MTARC1: variants seen among roughly 807,000 people sequenced by gnomAD.
MTARC1 encodes the protein mitochondrial amidoxime-reducing component 1.
Under a neutral mutation model 33.6 loss-of-function variants are expected in MTARC1, and 24 were observed. The observed-to-expected ratio is 0.72, with a 90% confidence interval of 0.52 to 1.01. The LOEUF (loss-of-function observed/expected upper bound fraction) is 1.01. Among genes scored for constraint, MTARC1 ranks in the 50% least tolerant of loss-of-function variants. The probability of loss-of-function intolerance (pLI) is 0.00; values close to 1 mark genes in which losing one functional copy is unlikely to be tolerated. For synonymous variants in MTARC1, 187 were observed against 189.5 expected (o/e 0.99, Z 0.11); for missense variants, 417 against 445.7 (o/e 0.94, Z 0.58).
intron 2 of MTARC1, among the ~76,000 whole-genome samples, chr1:220,792,648 C>T (rs1413612653): frequency 7.4e-6 from 1 of 135,548 alleles, no homozygotes; most frequent in African/African-American, 2.8e-5. Context: ...TTGGGAAATA[C>T]CAAGAAAAAA....
chr1:220,798,279 C>G (rs1036839554), intron 4 of MTARC1: 1 of 1,359,530 alleles, frequency 7.4e-7, no homozygotes. Context: ...TTGACAGGTT[C>G]GTTGTTGAGT....
chr1:220,801,176 T>G (rs1423834993), intron 4 of MTARC1, among the ~76,000 whole-genome samples: 1 of 152,092 alleles, frequency 6.6e-6, no homozygotes, highest in Non-Finnish European at 1.5e-5. Flanking sequence ...TCCCAGCCCC[T>G]TCTCCTCTCA....
chr1:220,799,053 T>A, intron 4 of MTARC1: 1 of 985,424 alleles, frequency 1.0e-6, no homozygotes. Flanking sequence ...TTACCTTGCC[T>A]GAACAATGAG....
intron 6 of MTARC1, among the ~76,000 whole-genome samples, chr1:220,810,394 A>G (rs1466610050): frequency 6.6e-6 from 1 of 152,120 alleles, no homozygotes; most frequent in Non-Finnish European, 1.5e-5. Context: ...GAGGTGGTGC[A>G]GGAGGCGGTG....
chr1:220,810,720 T>G (rs1206789577), intron 6 of MTARC1, among the ~76,000 whole-genome samples: 1 of 152,018 alleles, frequency 6.6e-6, no homozygotes, highest in Non-Finnish European at 1.5e-5. Context: ...TGGCTAGAAA[T>G]TGGTGTAGGT....
chr1:220,801,415 C>G (rs576418824), intron 4 of MTARC1, among the ~76,000 whole-genome samples: 11 of 152,296 alleles, frequency 7.2e-5, no homozygotes, highest in African/African-American at 1.9e-4. Flanking sequence ...GTCTGTTTCC[C>G]CTATGCAAGC....
intron 2 of MTARC1, among the ~76,000 whole-genome samples, chr1:220,792,800 T>C (rs1488984499): frequency 6.6e-6 from 1 of 152,188 alleles, no homozygotes; most frequent in Non-Finnish European, 1.5e-5. Flanking sequence ...TAAATTGATA[T>C]GTTGAGTATT....
At chr1:220,798,940 A>G (rs963664684) in intron 4 of MTARC1, 5 of 985,402 alleles carry the variant, frequency 5.1e-6, no homozygotes, top group Non-Finnish European at 6.0e-6. Flanking sequence ...AAGAGAAATA[A>G]TCTAAGAATT....
intron 2 of MTARC1, among the ~76,000 whole-genome samples, chr1:220,792,175 A>G (rs774172648): frequency 1.4e-4 from 22 of 152,242 alleles, no homozygotes; most frequent in Admixed American, 3.3e-4. Context: ...AACTCTAGCT[A>G]GAAGAGTGAT....
chr1:220,798,608 G>A (rs1672693585), intron 4 of MTARC1: 1 of 979,988 alleles, frequency 1.0e-6, no homozygotes, highest in Non-Finnish European at 1.2e-6. Flanking sequence ...GTAATAAATG[G>A]CCTTTGGCTA....
At chr1:220,798,068 A>G (rs1216899550) in intron 4 of MTARC1, 54 bp downstream of exon 4, 4 of 1,613,720 alleles carry the variant, frequency 2.5e-6, no homozygotes, top group Non-Finnish European at 3.4e-6. Context: ...TTTTTAAGGT[A>G]TGAGAGTCTT....
Position 220,815,483 on chromosome 1 carries a change from C to G in MTARC1, c.*2065C>G, listed in dbSNP as rs1673262904. 1 of 152,226 alleles carries G rather than the reference C, an allele frequency of 6.6e-6. No individual in the cohort carries two copies. The highest frequency in any genetic ancestry group is 2.4e-5 in the African/African-American group (1 of 41,446). 9.4% of individuals were successfully genotyped at this position (152,226 alleles called of 1,614,324 possible). ...GGCAGCACCCACGTGGAAGGGAGCACCCAGAAACCCTCCTCACTGGGCAGA... is the reference window on the plus strand; with the variant it reads ...GGCAGCACCCACGTGGAAGGGAGCAGCCAGAAACCCTCCTCACTGGGCAGA... On this transcript the variant is annotated 3_prime_UTR_variant, in exon 7 of 7. Coordinates refer to ENST00000366910, the MANE Select transcript of MTARC1 (RefSeq NM_022746.4).
intron 4 of MTARC1, among the ~76,000 whole-genome samples, 183 bp from the exon 5 acceptor site, chr1:220,804,869 C>T (rs1672924416): frequency 6.6e-6 from 1 of 151,986 alleles, no homozygotes; most frequent in Admixed American, 6.5e-5. Context: ...ATATCAAAGC[C>T]AGAGAGAGGG....
At chr1:220,791,343 GGACA>G in intron 1 of MTARC1, 144 bp from the exon 2 acceptor site, 4 of 798,972 alleles carry the variant, frequency 5.0e-6, no homozygotes, top group Non-Finnish European at 7.8e-6. Context: ...CTGATGTTTA[GGACA>G]GACAGACACA....
chr1:220,810,210 TA>T (rs2102609289), intron 6 of MTARC1, among the ~76,000 whole-genome samples: 2 of 152,306 alleles, frequency 1.3e-5, no homozygotes, highest in Non-Finnish European at 2.9e-5. Context: ...GTCACATATT[TA>T]AAAAATCGTA....
At position 220,796,686 on chromosome 1, in the gene MTARC1, A is replaced by G. The variant is rs2642438; in HGVS notation, c.493A>G (p.Thr165Ala). The stretch of plus-strand genomic sequence containing the variant: ...AGAGGGCAGGGACTGTGGCGAGGCC[A>G]CCGCCCAGTGGATAACCAGCTTCCT... ...EIEGRDCGEATAQWITSFLKS... is the reference protein window; with the variant it reads ...EIEGRDCGEAAAQWITSFLKS... The change falls in exon 3 of 7, where the codon ACC becomes GCC. Residue 165 changes from threonine (T) to alanine (A), a missense_variant. Coordinates refer to ENST00000366910, the MANE Select transcript of MTARC1 (RefSeq NM_022746.4). 1,169,113 of 1,611,280 alleles carry G rather than the reference A, an allele frequency of 0.73. 426,929 individuals are homozygous for G. Among genetic ancestry groups the G allele is most frequent in the African/African-American group, 0.92 (68,818 of 74,836 alleles).
In MTARC1 at chr1:220,797,869, A is replaced by G. The variant is rs754525231; in HGVS notation, c.613-5A>G. On this transcript the variant is annotated splice_region_variant and splice_polypyrimidine_tract_variant and intron_variant, in intron 3 of 6. Transcript: ENST00000366910. ...GTGTTATAACAATGTCTATTTCCTT[A>G]TCAGATTGCTTACTCAGACACCAGC... 3 of 1,614,068 alleles carry G rather than the reference A, an allele frequency of 1.9e-6. No individual in the cohort carries two copies. In the South Asian group the frequency reaches 3.3e-5, roughly 18 times the overall value.
intron 6 of MTARC1, among the ~76,000 whole-genome samples, chr1:220,812,891 A>AT (rs1254928313): frequency 2.6e-5 from 4 of 151,956 alleles, no homozygotes; most frequent in African/African-American, 9.7e-5. Context: ...CTCCTGGCTA[A>AT]TTTTTTGTAT....
At chr1:220,810,360 G>T (rs1390788450) in intron 6 of MTARC1, among the ~76,000 whole-genome samples, 1 of 152,054 alleles carries the variant, frequency 6.6e-6, no homozygotes. Context: ...GCCTGGAGGC[G>T]GGCTTCCGCA....
Sources: allele counts gnomAD v4.1 joint callset (sites outside exome capture counted in the v4.1 genomes callset), GRCh38; gene constraint gnomAD v4.1.1; transcripts MANE v1.5; gene names NCBI Gene and HGNC (gene_info 2026-07-23, HGNC 2026-07-21).